The following AGBL4 variants were observed in gnomAD, a reference collection of about 807,000 sequenced individuals.
AGBL4 encodes cytosolic carboxypeptidase 6.
In AGBL4, 58 loss-of-function variants were observed where a neutral mutation model predicts 66.4. The ratio of observed to expected loss-of-function variants is 0.87; its 90% CI spans 0.71 to 1.09. The LOEUF is 1.09. Among genes scored for constraint, AGBL4 ranks in the 50% least tolerant of loss-of-function variants. The probability of loss-of-function intolerance (pLI) is 0.00; values close to 1 mark genes in which losing one functional copy is unlikely to be tolerated. For missense variants in AGBL4, 579 were observed against 631.0 expected, an observed-to-expected ratio of 0.92 and a Z score of 0.88; for synonymous variants, 234 against 222.9, an observed-to-expected ratio of 1.05 and a Z score of -0.44.
chr1:48,554,429 A>G (rs925157633), intron 11 of AGBL4, among the ~76,000 whole-genome samples: 1 of 152,222 alleles, frequency 6.6e-6, no homozygotes, highest in Non-Finnish European at 1.5e-5. Context: ...GACTATTATT[A>G]TAGTGAAACT....
intron 2 of AGBL4, among the ~76,000 whole-genome samples, chr1:49,771,151 C>T (rs915774513): frequency 6.6e-6 from 1 of 151,976 alleles, no homozygotes; most frequent in East Asian, 1.9e-4. Flanking sequence ...GTGAACTTCC[C>T]TATTAGAACT....
At chr1:49,378,232 T>A (rs950707206) in intron 3 of AGBL4, among the ~76,000 whole-genome samples, 3 of 152,004 alleles carry the variant, frequency 2.0e-5, no homozygotes, top group African/African-American at 7.2e-5. Context: ...AAAGAAAAAA[T>A]GTTGCAGGAT....
At chr1:50,017,433 A>G (rs1362565936) in intron 1 of AGBL4, 3 of 152,144 alleles carry the variant, frequency 2.0e-5, no homozygotes, top group African/African-American at 4.8e-5. Flanking sequence ...TCACAATCCT[A>G]TCCATTATAG....
intron 3 of AGBL4, among the ~76,000 whole-genome samples, chr1:49,489,385 A>AT (rs1272306892): frequency 2.6e-5 from 4 of 151,186 alleles, no homozygotes; most frequent in East Asian, 3.9e-4. Context: ...AGATTATTAG[A>AT]TTTTTTTCCA....
intron 5 of AGBL4, among the ~76,000 whole-genome samples, chr1:49,017,251 T>G (rs1451592813): frequency 6.6e-6 from 1 of 152,158 alleles, no homozygotes; most frequent in Non-Finnish European, 1.5e-5. Context: ...TTCTTGAACA[T>G]CAGATTGCAA....
intron 3 of AGBL4, among the ~76,000 whole-genome samples, chr1:49,597,119 G>A (rs147234092): frequency 1.5e-4 from 23 of 152,246 alleles, no homozygotes; most frequent in African/African-American, 7.2e-5. Context: ...AGATGTGCAC[G>A]CCACCTATTC....
chr1:49,875,259 A>C, intron 1 of AGBL4, among the ~76,000 whole-genome samples: 1 of 142,536 alleles, frequency 7.0e-6, no homozygotes, highest in South Asian at 2.3e-4. Context: ...GCACCCACCA[A>C]CTCGTCATCT....
chr1:49,056,430 A>T (rs1387123513), intron 4 of AGBL4, among the ~76,000 whole-genome samples: 3 of 152,168 alleles, frequency 2.0e-5, no homozygotes, highest in African/African-American at 7.2e-5. Context: ...ATGGCCAGGG[A>T]GGTAACCATT....
At chr1:49,207,788 A>G (rs1648357433) in intron 4 of AGBL4, among the ~76,000 whole-genome samples, 1 of 150,740 alleles carries the variant, frequency 6.6e-6, no homozygotes, top group South Asian at 2.1e-4. Context: ...GTGTCTCCCT[A>G]TGTTGCCCAG....
intron 3 of AGBL4, among the ~76,000 whole-genome samples, chr1:49,551,870 C>A (rs1465687813): frequency 1.3e-5 from 2 of 152,176 alleles, no homozygotes; most frequent in East Asian, 1.9e-4. Flanking sequence ...AGATTATATG[C>A]CCTTTGTCTT....
chr1:49,516,974 A>C (rs1649878899), intron 3 of AGBL4, among the ~76,000 whole-genome samples: 1 of 152,006 alleles, frequency 6.6e-6, no homozygotes. Context: ...TTTAAATATA[A>C]TAGGCCATAC....
At position 48,587,300 on chromosome 1, in the gene AGBL4, A is replaced by T; in HGVS notation, c.1105-134T>A. ...GATATTAGCCCCTCATCACATGATT[A>T]TTATAAGGACTGATTAAATAAACAT... On this transcript the variant is annotated intron_variant, in intron 10 of 13. Transcript: ENST00000371839. 3.5e-6 allele frequency: 3 copies of T among 863,276 alleles called. No individual in the cohort carries two copies. In the South Asian group the frequency reaches 5.7e-5, roughly 16 times the overall value. 53.5% of individuals were successfully genotyped at this position (863,276 alleles called of 1,614,324 possible). A position where few individuals can be genotyped will look rare whatever the true frequency, so the allele number is the denominator to read the frequency against.
At chr1:49,996,635 T>C (rs1406338588) in intron 1 of AGBL4, among the ~76,000 whole-genome samples, 5 of 152,140 alleles carry the variant, frequency 3.3e-5, no homozygotes, top group African/African-American at 1.2e-4. Context: ...TTGGAAAATA[T>C]ACTTGAGAAA....
chr1:48,592,126 C>T (rs1644927622), intron 9 of AGBL4, among the ~76,000 whole-genome samples: 2 of 152,170 alleles, frequency 1.3e-5, no homozygotes, highest in Non-Finnish European at 1.5e-5. Context: ...AGGGAAGACT[C>T]GCATGGGGAG....
chr1:49,760,750 A>G (rs987436430), intron 2 of AGBL4, among the ~76,000 whole-genome samples: 1 of 152,222 alleles, frequency 6.6e-6, no homozygotes, highest in Non-Finnish European at 1.5e-5. Flanking sequence ...TATTTACAAT[A>G]GAAAAGACAT....
chr1:49,298,399 G>A (rs899755987), intron 3 of AGBL4, among the ~76,000 whole-genome samples: 3 of 152,182 alleles, frequency 2.0e-5, no homozygotes, highest in East Asian at 3.9e-4. Flanking sequence ...AGTTATTACC[G>A]TCATCATCTC....
At chr1:49,774,446 A>G (rs1346948957) in intron 2 of AGBL4, among the ~76,000 whole-genome samples, 1 of 152,064 alleles carries the variant, frequency 6.6e-6, no homozygotes, top group Non-Finnish European at 1.5e-5. Context: ...ACCCTGTTGA[A>G]ATATAGTTGT....
intron 3 of AGBL4, among the ~76,000 whole-genome samples, chr1:49,463,464 A>G (rs1646559476): frequency 6.6e-6 from 1 of 151,788 alleles, no homozygotes; most frequent in Non-Finnish European, 1.5e-5. Context: ...AAGAAAATTT[A>G]GGGACCCAGC....
At chr1:49,544,287 G>A (rs906178114) in intron 3 of AGBL4, among the ~76,000 whole-genome samples, 1 of 152,194 alleles carries the variant, frequency 6.6e-6, no homozygotes, top group Non-Finnish European at 1.5e-5. Context: ...TCTGCCTCAT[G>A]TAAGCAGAAG....
Sources: allele counts gnomAD v4.1 joint callset (sites outside exome capture counted in the v4.1 genomes callset), GRCh38; gene constraint gnomAD v4.1.1; transcripts MANE v1.5; gene names NCBI Gene and HGNC (gene_info 2026-07-23, HGNC 2026-07-21).